Variants in EPB41 observed in about 807,000 individuals in gnomAD.
EPB41 encodes erythrocyte membrane protein band 4.1, also known as protein 4.1.
A neutral mutation model predicts 108.0 loss-of-function variants in EPB41; 65 were observed. The ratio of observed to expected loss-of-function variants is 0.60; its 90% CI spans 0.49 to 0.74. EPB41 has a LOEUF of 0.74. Among genes scored for constraint, EPB41 ranks in the 30% least tolerant of loss-of-function variants. The pLI is 0.00. For synonymous variants in EPB41, 336 were observed against 358.9 expected (o/e 0.94, Z 0.72); for missense variants, 875 against 1,037.0 (o/e 0.84, Z 2.15).
At chr1:28,982,447 G>T (rs1383458200) in intron 1 of EPB41, 1 of 762,444 alleles carries the variant, frequency 1.3e-6, no homozygotes, top group Non-Finnish European at 2.4e-6. Context: ...GCCCATGGCA[G>T]CTGTCACTTT....
chr1:28,985,650 C>T (rs2095855523), intron 1 of EPB41: 1 of 152,072 alleles, frequency 6.6e-6, no homozygotes, highest in Non-Finnish European at 1.5e-5. Context: ...AGGGAATGAG[C>T]TAAATATAGT....
rs1290983276 is a variant in EPB41, at chr1:28,946,184, A to G, written c.-8+31416A>G. Among the ~76,000 whole-genome samples the G allele has an allele frequency of 2.6e-5, 4 of 151,184 alleles. No individual in the cohort carries two copies. In the Middle Eastern group the frequency reaches 0.01, roughly 391 times the overall value. On this transcript the variant is annotated intron_variant, in intron 1 of 20. Coordinates refer to ENST00000343067, the MANE Select transcript of EPB41 (RefSeq NM_001376013.1). ...TTTTGTGATTGAGAAGAACCTTAAC[A>G]TTGTCTACTTCAACTTCTTTTTTTT...
At chr1:29,066,231 C>T (rs1647677905) in intron 16 of EPB41, among the ~76,000 whole-genome samples, 1 of 151,810 alleles carries the variant, frequency 6.6e-6, no homozygotes, top group Admixed American at 6.6e-5. Flanking sequence ...CCAGCCTGGC[C>T]AGCATGGTGA....
intron 1 of EPB41, among the ~76,000 whole-genome samples, chr1:28,961,961 A>G (rs2095228117): frequency 1.3e-5 from 2 of 151,940 alleles, no homozygotes; most frequent in Non-Finnish European, 2.9e-5. Context: ...TTGCCGTTAA[A>G]TTTTAAGTTG....
chr1:28,936,319 C>T (rs904787549), intron 1 of EPB41, among the ~76,000 whole-genome samples: 11 of 152,098 alleles, frequency 7.2e-5, no homozygotes, highest in African/African-American at 2.2e-4. Context: ...ATGGCAAAGA[C>T]GGAGCTGGAT....
chr1:29,114,409 G>A (rs1280311604), intron 19 of EPB41, among the ~76,000 whole-genome samples: 4 of 152,064 alleles, frequency 2.6e-5, no homozygotes, highest in Non-Finnish European at 4.4e-5. Flanking sequence ...TTGGGAGGCC[G>A]AGCAAGGTGG....
At chr1:28,996,692 G>A (rs941003215) in intron 3 of EPB41, among the ~76,000 whole-genome samples, 3 of 152,194 alleles carry the variant, frequency 2.0e-5, no homozygotes, top group Non-Finnish European at 4.4e-5. Flanking sequence ...TATTACATAT[G>A]TAAACTGACA....
chr1:28,925,365 C>T (rs1364242341), intron 1 of EPB41, among the ~76,000 whole-genome samples: 2 of 152,024 alleles, frequency 1.3e-5, no homozygotes, highest in Non-Finnish European at 2.9e-5. Flanking sequence ...CTTGCCTTGG[C>T]CTCCTAAAGT....
chr1:29,080,674 C>T (rs977194904), intron 16 of EPB41, among the ~76,000 whole-genome samples: 1 of 152,172 alleles, frequency 6.6e-6, no homozygotes, highest in African/African-American at 2.4e-5. Flanking sequence ...CAGGTGTGAG[C>T]CACTGAGCCT....
At chr1:28,935,538 T>C (rs2093986132) in intron 1 of EPB41, among the ~76,000 whole-genome samples, 1 of 150,314 alleles carries the variant, frequency 6.7e-6, no homozygotes, top group South Asian at 2.1e-4. Flanking sequence ...CTCTAGTCTT[T>C]TTCCTTTTGC....
intron 7 of EPB41, 43 bp from the exon 8 acceptor site, chr1:29,030,357 C>T (rs1310602662): frequency 7.0e-7 from 1 of 1,427,258 alleles, no homozygotes; most frequent in East Asian, 2.3e-5. Context: ...TAAATGATGA[C>T]ACTATAACAC....
Position 28,888,788 on chromosome 1 carries a change from C to T in EPB41, c.-8+1578C>T, listed in dbSNP as rs1264337491. ...GATTACAGGCGCCCGCCACCGCGCC[C>T]GGCTAATTTTTTGTATTTTTAGTAG... On this transcript the variant is annotated intron_variant, in intron 1 of 16. Coordinates refer to the EPB41 transcript ENST00000347529. Among the ~76,000 whole-genome samples, 6 of 151,972 alleles carry T rather than the reference C, an allele frequency of 3.9e-5. No individual in the cohort carries two copies. The South Asian group carries it at 6.2e-4, about 16-fold the overall frequency.
intron 1 of EPB41, among the ~76,000 whole-genome samples, chr1:28,898,788 A>C (rs1174317162): frequency 6.6e-6 from 1 of 151,534 alleles, no homozygotes; most frequent in East Asian, 1.9e-4. Context: ...AGGCCTGGGC[A>C]CTCTCCCACC....
chr1:29,106,290 G>A (rs1667117481), intron 17 of EPB41, among the ~76,000 whole-genome samples: 1 of 152,214 alleles, frequency 6.6e-6, no homozygotes, highest in Admixed American at 6.5e-5. Flanking sequence ...TAGAGTCACA[G>A]GTTTATAGAG....
intron 16 of EPB41, among the ~76,000 whole-genome samples, chr1:29,068,250 A>G (rs1309497462): frequency 6.6e-6 from 1 of 152,190 alleles, no homozygotes; most frequent in Non-Finnish European, 1.5e-5. Flanking sequence ...ATAACTGCGT[A>G]TTTTCTAGAA....
At chr1:29,100,924 G>A (rs1237533039) in intron 17 of EPB41, among the ~76,000 whole-genome samples, 1 of 148,990 alleles carries the variant, frequency 6.7e-6, no homozygotes, top group Non-Finnish European at 1.5e-5. Context: ...CCAAGACCCT[G>A]TCTCAAAAAA....
At chr1:29,033,449 G>A (rs188335219) in intron 9 of EPB41, among the ~76,000 whole-genome samples, 4 of 152,182 alleles carry the variant, frequency 2.6e-5, no homozygotes, top group Admixed American at 1.3e-4. Flanking sequence ...TTCACTTTTT[G>A]TAAGTAAATA....
At chr1:28,995,540 GACAGAGTGAGACTCCGTCTCAAA>G (rs1309871722) in intron 3 of EPB41, among the ~76,000 whole-genome samples, 1 of 152,144 alleles carries the variant, frequency 6.6e-6, no homozygotes, top group Admixed American at 6.5e-5. Flanking sequence ...CCAGCCTGGC[GACAGAGTGAGACTCCGTCTCAAA>G]ACAAAACAAA....
At chr1:29,103,668 GTTTA>G (rs1441108511) in intron 17 of EPB41, among the ~76,000 whole-genome samples, 2 of 151,916 alleles carry the variant, frequency 1.3e-5, no homozygotes, top group Non-Finnish European at 2.9e-5. Context: ...TTGTTTGTTT[GTTTA>G]TTTATTTATT....
Sources: gnomAD v4.1 joint callset for allele counts (sites outside exome capture counted in the v4.1 genomes callset) on GRCh38, gnomAD v4.1.1 for gene constraint, MANE v1.5 for transcripts, NCBI Gene and HGNC (gene_info 2026-07-23, HGNC 2026-07-21) for gene names.